ATP2C2: variants seen among roughly 807,000 people sequenced by gnomAD.
ATP2C2 encodes the protein calcium-transporting ATPase type 2C member 2.
ATP2C2 carries 171 observed loss-of-function variants against 110.8 expected under a neutral mutation model. That is an observed-to-expected ratio of 1.54 (90% CI 1.36 to 1.75). The LOEUF is 1.75. Ranked by LOEUF, ATP2C2 falls within the 40% of genes most tolerant of loss-of-function variation. The pLI, the probability that ATP2C2 is intolerant of heterozygous loss-of-function variation, is 0.00. For missense variants in ATP2C2, 1,963 were observed against 1,235.0 expected (o/e 1.59, Z -8.84); for synonymous variants, 804 against 508.4 (o/e 1.58, Z -7.82).
chr16:84,395,589 A>G (rs1305270049), intron 1 of ATP2C2, among the ~76,000 whole-genome samples: 1 of 149,326 alleles, frequency 6.7e-6, no homozygotes, highest in African/African-American at 2.5e-5. Flanking sequence ...GCTCATTGCA[A>G]CCTCCGCCTT....
At chr16:84,385,043 T>C (rs1257475179) in intron 1 of ATP2C2, among the ~76,000 whole-genome samples, 1 of 152,150 alleles carries the variant, frequency 6.6e-6, no homozygotes, top group South Asian at 2.1e-4. Flanking sequence ...AGTGAGACTC[T>C]GTCTCAAAAA....
chr16:84,442,236 C>T (rs1227982661), intron 14 of ATP2C2, among the ~76,000 whole-genome samples: 1 of 152,138 alleles, frequency 6.6e-6, no homozygotes, highest in Non-Finnish European at 1.5e-5. Flanking sequence ...TGCCATCATC[C>T]CCATTATCGG....
chr16:84,368,800 T>C (rs1567678613), intron 1 of ATP2C2, 86 bp downstream of exon 1: 3 of 1,178,336 alleles, frequency 2.5e-6, no homozygotes, highest in African/African-American at 3.4e-5. Flanking sequence ...GACCCCGCGT[T>C]CGCGCTGCGA....
intron 1 of ATP2C2, among the ~76,000 whole-genome samples, chr16:84,370,228 A>C (rs7202853): frequency 0.092 from 14,038 of 152,098 alleles, 744 homozygotes; most frequent in Middle Eastern, 0.16. Context: ...TTTGCAGGAG[A>C]GTTCTCAGAG....
At chr16:84,411,664 C>T (rs1567704334) in intron 6 of ATP2C2, among the ~76,000 whole-genome samples, 1 of 152,182 alleles carries the variant, frequency 6.6e-6, no homozygotes, top group Non-Finnish European at 1.5e-5. Context: ...CTCGTCTCGA[C>T]CTCCTGACCT....
chr16:84,415,744 C>T (rs546617761), intron 7 of ATP2C2, among the ~76,000 whole-genome samples, 153 bp downstream of exon 7: 2 of 152,226 alleles, frequency 1.3e-5, no homozygotes, highest in Admixed American at 6.5e-5. Context: ...AGTTAGCAGA[C>T]AAGCGTGTTC....
At chr16:84,388,511 G>C (rs369000844) in intron 1 of ATP2C2, among the ~76,000 whole-genome samples, 2 of 152,128 alleles carry the variant, frequency 1.3e-5, no homozygotes, top group Admixed American at 1.3e-4. Context: ...CCCATACTCT[G>C]AGAATCCTGG....
intron 4 of ATP2C2, among the ~76,000 whole-genome samples, chr16:84,409,285 A>C (rs1906059855): frequency 6.6e-6 from 1 of 152,010 alleles, no homozygotes; most frequent in Admixed American, 6.6e-5. Flanking sequence ...AACATCACAC[A>C]CTCGGGCCTT....
chr16:84,430,278 C>T (rs1440224911), intron 11 of ATP2C2, among the ~76,000 whole-genome samples: 1 of 152,124 alleles, frequency 6.6e-6, no homozygotes, highest in East Asian at 1.9e-4. Context: ...GAGGCCTGAG[C>T]CAGGGCTGGG....
chr16:84,383,596 CA>C (rs1910713406), intron 1 of ATP2C2, among the ~76,000 whole-genome samples: 1 of 152,148 alleles, frequency 6.6e-6, no homozygotes, highest in South Asian at 2.1e-4. Context: ...GATGATAGCA[CA>C]AACACTATAG....
chr16:84,427,723 GAAAC>G (rs1046736144), intron 11 of ATP2C2, among the ~76,000 whole-genome samples: 9 of 152,124 alleles, frequency 5.9e-5, no homozygotes, highest in African/African-American at 1.4e-4. Flanking sequence ...TCTGAAAAAA[GAAAC>G]AAACCAAAAC....
rs113649213 is a variant in ATP2C2, at chr16:84,454,799, T to G, written c.1981-19T>G. The G allele has an allele frequency of 7.0e-6, 11 of 1,567,158 alleles. No homozygotes were observed. In the African/African-American group the frequency reaches 1.2e-4, roughly 18 times the overall value. On this transcript the variant is annotated intron_variant, in intron 20 of 26. Transcript: ENST00000262429. The stretch of plus-strand genomic sequence containing the variant: ...GTGGTCGTCAGGCTGCAGGCCTTCA[T>G]TGCCTGCTCTTTCCAAAGGCTCTGC...
intron 7 of ATP2C2, among the ~76,000 whole-genome samples, chr16:84,421,248 G>A (rs1251815434): frequency 6.6e-6 from 1 of 152,244 alleles, no homozygotes; most frequent in Non-Finnish European, 1.5e-5. Flanking sequence ...ACAGGGAGGT[G>A]GGAATGTGAC....
At chr16:84,391,537 T>C (rs1904663133) in intron 1 of ATP2C2, among the ~76,000 whole-genome samples, 1 of 152,148 alleles carries the variant, frequency 6.6e-6, no homozygotes, top group African/African-American at 2.4e-5. Flanking sequence ...GGGGTCTTTA[T>C]AAGAAAAGCA....
rs374639507 is a variant in ATP2C2, at chr16:84,405,879, C to T, written c.327+635C>T. On this transcript the variant is annotated intron_variant, in intron 3 of 26. Transcript: ENST00000262429. Reference sequence around the variant, plus strand: ...AGGCTGCAGTGAACTGAGATTGTGCCACTGTGCTCCAGCCTGGACAACAGA... The same window carrying T: ...AGGCTGCAGTGAACTGAGATTGTGCTACTGTGCTCCAGCCTGGACAACAGA... 2.2e-4 allele frequency among the ~76,000 whole-genome samples: 34 copies of T among 152,294 alleles called. No individual in the cohort carries two copies. The South Asian group carries it at 6.6e-3, about 30-fold the overall frequency.
At chr16:84,390,112 G>T (rs1567689835) in intron 1 of ATP2C2, among the ~76,000 whole-genome samples, 1 of 152,206 alleles carries the variant, frequency 6.6e-6, no homozygotes, top group Non-Finnish European at 1.5e-5. Flanking sequence ...TGAGGCACGG[G>T]CTAGGCTTTG....
intron 6 of ATP2C2, among the ~76,000 whole-genome samples, chr16:84,414,059 C>G (rs765627029): frequency 2.6e-5 from 4 of 152,138 alleles, no homozygotes; most frequent in African/African-American, 4.8e-5. Context: ...GTAATAGTGA[C>G]TGGTAGAAGG....
intron 13 of ATP2C2, 86 bp from the exon 14 acceptor site, chr16:84,440,771 G>C: frequency 1.0e-6 from 1 of 972,186 alleles, no homozygotes; most frequent in Non-Finnish European, 1.6e-6. Context: ...TCCCTGGAAT[G>C]GATCCCCAGG....
chr16:84,369,664 G>C (rs1909836904), intron 1 of ATP2C2, among the ~76,000 whole-genome samples: 1 of 152,102 alleles, frequency 6.6e-6, no homozygotes, highest in African/African-American at 2.4e-5. Flanking sequence ...AAAGAAATTA[G>C]CTGAAAAAAT....
Sources: gnomAD v4.1 joint callset for allele counts (sites outside exome capture counted in the v4.1 genomes callset) on GRCh38, gnomAD v4.1.1 for gene constraint, MANE v1.5 for transcripts, NCBI Gene and HGNC (gene_info 2026-07-23, HGNC 2026-07-21) for gene names.